Variants in ENPP2 observed in about 807,000 individuals in gnomAD.
The protein encoded by ENPP2 is autotaxin.
In ENPP2, 51 loss-of-function variants were observed where a neutral mutation model predicts 120.2. The observed-to-expected ratio is 0.42, with a 90% CI of 0.34 to 0.54. The LOEUF (loss-of-function observed/expected upper bound fraction) is 0.54, where lower values mean the gene tolerates loss of function less well. Among genes scored for constraint, ENPP2 ranks in the 20% least tolerant of loss-of-function variants. The pLI, the probability that ENPP2 is intolerant of heterozygous loss-of-function variation, is 0.04. For missense variants in ENPP2, 920 were observed against 1,066.5 expected (o/e 0.86, Z 1.91); for synonymous variants, 365 against 366.4 (o/e 1.00, Z 0.04).
chr8:119,664,398 GA>G (rs1818010934), intron 1 of ENPP2, among the ~76,000 whole-genome samples: 1 of 152,134 alleles, frequency 6.6e-6, no homozygotes, highest in Non-Finnish European at 1.5e-5. Context: ...GAAAGGATGA[GA>G]ATTCCCATCT....
intron 2 of ENPP2, among the ~76,000 whole-genome samples, chr8:119,636,584 A>C (rs1245949243): frequency 1.3e-5 from 2 of 152,250 alleles, no homozygotes; most frequent in East Asian, 3.8e-4. Context: ...ATTTAGGTTT[A>C]TAAATTATAA....
At chr8:119,620,257 T>C (rs189502007) in intron 4 of ENPP2, among the ~76,000 whole-genome samples, 6 of 152,208 alleles carry the variant, frequency 3.9e-5, no homozygotes, top group African/African-American at 1.4e-4. Flanking sequence ...CTTCTTTTTT[T>C]AAAAAAAATT....
Position 119,570,840 on chromosome 8 carries a change from C to T in ENPP2, c.1782G>A (p.Glu594=). The T allele has an allele frequency of 1.3e-6, 2 of 1,535,122 alleles. No homozygotes were observed. The highest frequency in any genetic ancestry group is 1.7e-6 in the Non-Finnish European group (2 of 1,149,478). The change falls in exon 20 of 25, where the codon GAG becomes GAA. Residue 594 remains glutamate (E), a splice_region_variant and synonymous_variant. Coordinates refer to ENST00000075322, the MANE Select transcript of ENPP2 (RefSeq NM_001040092.3). ...CAGGTCGCCCATAGAGGAGGTGTCTCTCTAAAAAAGAAAAAAAATAAACTG... is the reference window on the plus strand; with the variant it reads ...CAGGTCGCCCATAGAGGAGGTGTCTTTCTAAAAAAGAAAAAAAATAAACTG... ...KRLHTKGSTE[E]RHLLYGRPAV...
chr8:119,662,909 G>A (rs958394672), intron 1 of ENPP2, among the ~76,000 whole-genome samples: 1 of 152,060 alleles, frequency 6.6e-6, no homozygotes, highest in African/African-American at 2.4e-5. Flanking sequence ...TCAGGAGTTC[G>A]AGATCAGCCT....
chr8:119,575,465 T>C (rs994912481), intron 19 of ENPP2, among the ~76,000 whole-genome samples: 1 of 152,172 alleles, frequency 6.6e-6, no homozygotes, highest in African/African-American at 2.4e-5. Flanking sequence ...ATATACAAAT[T>C]TTTTGTTGAG....
intron 9 of ENPP2, among the ~76,000 whole-genome samples, chr8:119,605,606 A>G (rs1354029872): frequency 5.4e-5 from 8 of 149,332 alleles, no homozygotes; most frequent in Non-Finnish European, 1.2e-4. Context: ...GATTACAGAC[A>G]TGTGTCCCCA....
intron 11 of ENPP2, among the ~76,000 whole-genome samples, chr8:119,597,364 G>C (rs1813970821): frequency 6.6e-6 from 1 of 152,286 alleles, no homozygotes; most frequent in Non-Finnish European, 1.5e-5. Flanking sequence ...ACATTCCAAA[G>C]ACTCCAAAGA....
intron 5 of ENPP2, chr8:119,618,470 C>T (rs1815633940): frequency 2.5e-6 from 1 of 396,882 alleles, no homozygotes; most frequent in Non-Finnish European, 4.9e-6. Context: ...TTCAACATCA[C>T]CCATATTTAA....
At chr8:119,595,997 A>G in intron 11 of ENPP2, 1 of 1,613,624 alleles carries the variant, frequency 6.2e-7, no homozygotes, top group Non-Finnish European at 8.5e-7. Flanking sequence ...AGCCATAACT[A>G]CTCTCCTGTA....
intron 1 of ENPP2, among the ~76,000 whole-genome samples, chr8:119,654,000 T>C (rs1342468027): frequency 6.8e-6 from 1 of 146,858 alleles, no homozygotes; most frequent in Admixed American, 6.9e-5. Flanking sequence ...GAAAATATTA[T>C]ATATTAAATA....
At chr8:119,572,430 C>T (rs1346013655) in intron 19 of ENPP2, among the ~76,000 whole-genome samples, 1 of 152,136 alleles carries the variant, frequency 6.6e-6, no homozygotes, top group Admixed American at 6.5e-5. Flanking sequence ...CTAGAGCAAC[C>T]ACCAAACAAA....
intron 4 of ENPP2, among the ~76,000 whole-genome samples, chr8:119,620,468 T>C (rs1194531831): frequency 6.6e-6 from 1 of 152,236 alleles, no homozygotes; most frequent in Non-Finnish European, 1.5e-5. Context: ...TTGCCACAAC[T>C]AAACACCTTA....
intron 19 of ENPP2, among the ~76,000 whole-genome samples, chr8:119,578,011 C>T (rs574636051): frequency 3.9e-5 from 6 of 152,018 alleles, no homozygotes; most frequent in Non-Finnish European, 8.8e-5. Flanking sequence ...TATTTTTATG[C>T]TCTTAAGTTT....
chr8:119,569,436 C>G, intron 20 of ENPP2, 66 bp from the exon 21 acceptor site: 1 of 1,503,092 alleles, frequency 6.7e-7, no homozygotes, highest in East Asian at 2.3e-5. Context: ...AATCAAAACC[C>G]CTCTGGCTTC....
Position 119,572,047 on chromosome 8 carries a change from G to T in ENPP2, c.1781-1206C>A, listed in dbSNP as rs934395171. Reference sequence around the variant, plus strand: ...CCAAATTTGGGGACCCACCCCTAAGGATTAGAACATAATCTGACAATATTA... The same window carrying T: ...CCAAATTTGGGGACCCACCCCTAAGTATTAGAACATAATCTGACAATATTA... On this transcript the variant is annotated intron_variant, in intron 19 of 24. Coordinates refer to ENST00000075322, the MANE Select transcript of ENPP2 (RefSeq NM_001040092.3). 27 of 680,390 alleles carry T rather than the reference G, an allele frequency of 4.0e-5. 2 individuals carry two copies. The Admixed American group carries it at 5.4e-4, about 14-fold the overall frequency. 42.1% of individuals were successfully genotyped at this position (680,390 alleles called of 1,614,324 possible). A position where few individuals can be genotyped will look rare whatever the true frequency, so the allele number is the denominator to read the frequency against.
chr8:119,572,136 G>A, intron 19 of ENPP2: 1 of 1,305,854 alleles, frequency 7.7e-7, no homozygotes, highest in Non-Finnish European at 1.1e-6. Context: ...CTTAGGGGCA[G>A]TAAAACAACC....
intron 4 of ENPP2, 79 bp from the exon 5 acceptor site, chr8:119,619,383 G>A: frequency 3.1e-6 from 3 of 971,756 alleles, no homozygotes; most frequent in Non-Finnish European, 4.9e-6. Flanking sequence ...TCCAGGATCT[G>A]TGTCCTGTTT....
chr8:119,646,221 G>A (rs894505194), intron 1 of ENPP2, among the ~76,000 whole-genome samples: 3 of 152,038 alleles, frequency 2.0e-5, no homozygotes, highest in East Asian at 1.9e-4. Flanking sequence ...CACCCACCTC[G>A]GCCTCCCAAA....
chr8:119,601,535 T>A, intron 9 of ENPP2, 73 bp from the exon 10 acceptor site: 1 of 1,105,080 alleles, frequency 9.0e-7, no homozygotes, highest in East Asian at 2.4e-5. Context: ...GAGTGCTCGC[T>A]CTTGCACCCA....
Sources: allele counts gnomAD v4.1 joint callset (sites outside exome capture counted in the v4.1 genomes callset), GRCh38; gene constraint gnomAD v4.1.1; transcripts MANE v1.5; gene names NCBI Gene and HGNC (gene_info 2026-07-23, HGNC 2026-07-21).